CTNNA3: variants seen among roughly 807,000 people sequenced by gnomAD.
CTNNA3 encodes catenin alpha 3, also known as catenin alpha-3.
A neutral mutation model predicts 95.7 loss-of-function variants in CTNNA3; 76 were observed. The ratio of observed to expected loss-of-function variants is 0.79; its 90% CI spans 0.66 to 0.96. CTNNA3 has a LOEUF of 0.96. CTNNA3 is among the 40% of genes least tolerant of loss of function. The pLI is 0.00. For synonymous variants in CTNNA3, 431 were observed against 374.4 expected, an observed-to-expected ratio of 1.15 and a Z score of -1.74; for missense variants, 1,191 against 1,089.8, an observed-to-expected ratio of 1.09 and a Z score of -1.31.
intron 6 of CTNNA3, among the ~76,000 whole-genome samples, chr10:67,189,879 A>G (rs1010917303): frequency 6.6e-6 from 1 of 152,188 alleles, no homozygotes; most frequent in African/African-American, 2.4e-5. Context: ...CTATGACGGA[A>G]TGATTAAAAT....
intron 5 of CTNNA3, among the ~76,000 whole-genome samples, chr10:67,466,293 C>A (rs987762754): frequency 6.6e-6 from 1 of 152,098 alleles, no homozygotes; most frequent in Non-Finnish European, 1.5e-5. Context: ...AGTTGTGCCA[C>A]AAAATTATAA....
intron 11 of CTNNA3, among the ~76,000 whole-genome samples, chr10:66,518,645 T>G (rs1323349720): frequency 2.0e-5 from 3 of 151,948 alleles, no homozygotes; most frequent in Non-Finnish European, 4.4e-5. Flanking sequence ...TATACAATCA[T>G]GCAGAAATAT....
intron 13 of CTNNA3, among the ~76,000 whole-genome samples, chr10:66,124,652 A>G (rs1428451809): frequency 6.6e-6 from 1 of 152,166 alleles, no homozygotes; most frequent in Non-Finnish European, 1.5e-5. Context: ...ATGGACTTAC[A>G]ATTCCACATG....
chr10:66,773,033 C>T (rs7898284), intron 8 of CTNNA3, among the ~76,000 whole-genome samples: 131,476 of 152,224 alleles, frequency 0.86, 57,247 homozygotes, highest in East Asian at 1. Context: ...TTCTTAAGAA[C>T]AAGAAGTAGA....
chr10:66,711,160 T>C (rs1848277640), intron 9 of CTNNA3, among the ~76,000 whole-genome samples: 1 of 149,510 alleles, frequency 6.7e-6, no homozygotes, highest in Non-Finnish European at 1.5e-5. Context: ...ACTGATTTGT[T>C]AGAACATGTA....
chr10:67,459,817 A>G (rs1047794693), intron 5 of CTNNA3, among the ~76,000 whole-genome samples: 3 of 152,140 alleles, frequency 2.0e-5, no homozygotes, highest in Admixed American at 1.3e-4. Flanking sequence ...TACTTCTTAT[A>G]CTTCCATCTC....
chr10:66,951,667 C>T (rs1265680374), intron 7 of CTNNA3, among the ~76,000 whole-genome samples: 2 of 152,148 alleles, frequency 1.3e-5, no homozygotes, highest in African/African-American at 4.8e-5. Flanking sequence ...TTTTGTTCCT[C>T]TCCATTAATC....
intron 11 of CTNNA3, among the ~76,000 whole-genome samples, chr10:66,441,008 G>C (rs2093371680): frequency 6.6e-6 from 1 of 151,584 alleles, no homozygotes; most frequent in Admixed American, 6.6e-5. Context: ...TACTTCTCTG[G>C]CACCAAGCCA....
intron 5 of CTNNA3, among the ~76,000 whole-genome samples, chr10:67,321,363 C>A (rs1303732966): frequency 6.6e-6 from 1 of 152,178 alleles, no homozygotes; most frequent in Non-Finnish European, 1.5e-5. Flanking sequence ...CTCTGGAATT[C>A]CCATGTCATC....
At chr10:67,510,066 C>A (rs910511422) in intron 5 of CTNNA3, among the ~76,000 whole-genome samples, 2 of 152,132 alleles carry the variant, frequency 1.3e-5, no homozygotes, top group African/African-American at 4.8e-5. Context: ...TGTTTAACTT[C>A]TTTGTAGATT....
chr10:66,595,928 T>C (rs1372576898), intron 10 of CTNNA3, among the ~76,000 whole-genome samples: 1 of 152,030 alleles, frequency 6.6e-6, no homozygotes, highest in Non-Finnish European at 1.5e-5. Context: ...AGTGCTGAAA[T>C]TACAGATGAG....
chr10:67,297,352 C>T (rs980871554), intron 5 of CTNNA3, among the ~76,000 whole-genome samples: 1 of 152,196 alleles, frequency 6.6e-6, no homozygotes, highest in Non-Finnish European at 1.5e-5. Flanking sequence ...AGGGACCATC[C>T]ATGAATTACT....
At chr10:66,041,292 C>A (rs987108252) in intron 15 of CTNNA3, among the ~76,000 whole-genome samples, 7 of 151,994 alleles carry the variant, frequency 4.6e-5, no homozygotes, top group African/African-American at 1.5e-4. Context: ...ATTGGAGGAG[C>A]CAAAGGAGAT....
chr10:67,443,243 C>T lies in CTNNA3; in HGVS notation c.579+78599G>A, dbSNP rs539972502. ...CAAGTCTTTGCTATTGTGAAGAGTGCCGCAATAAACATACGTGTGCATGTG... is the reference window on the plus strand; with the variant it reads ...CAAGTCTTTGCTATTGTGAAGAGTGTCGCAATAAACATACGTGTGCATGTG... On this transcript the variant is annotated intron_variant, in intron 5 of 17. Coordinates refer to ENST00000433211, the MANE Select transcript of CTNNA3 (RefSeq NM_013266.4). Among the ~76,000 whole-genome samples the T allele has an allele frequency of 2.4e-4, 37 of 151,316 alleles. No homozygotes were observed. The South Asian group carries it at 7.4e-3, about 30-fold the overall frequency.
chr10:66,602,903 T>C (rs1843982291), intron 10 of CTNNA3, among the ~76,000 whole-genome samples: 1 of 152,078 alleles, frequency 6.6e-6, no homozygotes, highest in South Asian at 2.1e-4. Context: ...TATCCCTTTA[T>C]GATAAAAATC....
chr10:66,564,357 G>C (rs1048159875), intron 10 of CTNNA3, among the ~76,000 whole-genome samples: 3 of 152,096 alleles, frequency 2.0e-5, no homozygotes, highest in Admixed American at 1.3e-4. Flanking sequence ...ACCAGGAAAG[G>C]CTTCAGTGTC....
Position 66,516,100 on chromosome 10 carries a change from G to T in CTNNA3, c.1531+4517C>A, listed in dbSNP as rs187297228. On this transcript the variant is annotated intron_variant, in intron 11 of 17. Transcript: ENST00000433211. ...AAAAAAGGTAACCCATCTATTCATT[G>T]GTTTTATTTTGGACCTACAGCATCT... Among the ~76,000 whole-genome samples the T allele has an allele frequency of 5.8e-3, 837 of 143,790 alleles. 6 individuals carry two copies. The highest frequency in any genetic ancestry group is 8.4e-3 in the Non-Finnish European group (556 of 66,574). 94.3% of individuals were successfully genotyped at this position (143,790 alleles called of 152,430 possible). A position where few individuals can be genotyped will look rare whatever the true frequency, so the allele number is the denominator to read the frequency against.
At chr10:67,063,387 C>A (rs575805635) in intron 7 of CTNNA3, among the ~76,000 whole-genome samples, 1 of 151,970 alleles carries the variant, frequency 6.6e-6, no homozygotes. Flanking sequence ...AAAATATATG[C>A]CTTTAAAAAG....
In CTNNA3 at chr10:66,602,143, T is replaced by A. The variant is rs141477579; in HGVS notation, c.1374+19549A>T. 3.9e-3 allele frequency among the ~76,000 whole-genome samples: 589 copies of A among 151,966 alleles called. 2 individuals carry two copies. Among genetic ancestry groups the A allele is most frequent in the Non-Finnish European group, 5.7e-3 (388 of 67,800 alleles). ...GGTTGGAAAACTTGTCATGACTGGGTATAGAAGTTCTTAGGATCTATGGGC... is the reference window on the plus strand; with the variant it reads ...GGTTGGAAAACTTGTCATGACTGGGAATAGAAGTTCTTAGGATCTATGGGC... On this transcript the variant is annotated intron_variant, in intron 10 of 17. Coordinates refer to ENST00000433211, the MANE Select transcript of CTNNA3 (RefSeq NM_013266.4).
Sources: allele counts gnomAD v4.1 joint callset (sites outside exome capture counted in the v4.1 genomes callset), GRCh38; gene constraint gnomAD v4.1.1; transcripts MANE v1.5; gene names NCBI Gene and HGNC (gene_info 2026-07-23, HGNC 2026-07-21).